ZNF638: variants seen among roughly 807,000 people sequenced by gnomAD.
ZNF638 encodes the protein CTCL tumor antigen se33-1.
A neutral mutation model predicts 195.6 loss-of-function variants in ZNF638; 46 were observed. The observed-to-expected ratio is 0.24, with a 90% CI of 0.19 to 0.30. The LOEUF (loss-of-function observed/expected upper bound fraction) is 0.30. Ranked by LOEUF, ZNF638 falls within the 10% of genes least tolerant of loss-of-function variation. The probability of loss-of-function intolerance (pLI) is 1.00; values close to 1 mark genes in which losing one functional copy is unlikely to be tolerated. For missense variants in ZNF638, 2,440 were observed against 2,325.3 expected (o/e 1.05, Z -1.01); for synonymous variants, 845 against 772.0 (o/e 1.09, Z -1.57).
At chr2:71,424,153 C>T (rs1395208345) in intron 22 of ZNF638, 115 bp downstream of exon 22, 1 of 1,352,884 alleles carries the variant, frequency 7.4e-7, no homozygotes, top group Non-Finnish European at 9.8e-7. Flanking sequence ...TCACTCTACC[C>T]CGGAAGCTCC....
intron 3 of ZNF638, among the ~76,000 whole-genome samples, chr2:71,359,753 T>G (rs570312484): frequency 1.3e-5 from 2 of 152,212 alleles, no homozygotes; most frequent in African/African-American, 4.8e-5. Context: ...TTTATTCTTT[T>G]AAGCTGTGTT....
chr2:71,383,408 A>C (rs1017934775), intron 10 of ZNF638, among the ~76,000 whole-genome samples: 5 of 152,182 alleles, frequency 3.3e-5, no homozygotes, highest in African/African-American at 1.2e-4. Context: ...TTTGAACGCA[A>C]AACTTTATGA....
chr2:71,422,749 T>C, intron 21 of ZNF638, 65 bp from the exon 22 acceptor site: 1 of 1,501,714 alleles, frequency 6.7e-7, no homozygotes, highest in Non-Finnish European at 8.9e-7. Flanking sequence ...TGAATTCTCA[T>C]CATAGTTTGA....
intron 2 of ZNF638, among the ~76,000 whole-genome samples, chr2:71,355,103 G>A (rs1369450801): frequency 1.3e-5 from 2 of 152,050 alleles, no homozygotes; most frequent in Non-Finnish European, 2.9e-5. Context: ...TGAGTCGCTG[G>A]GGCTACAGGT....
intron 10 of ZNF638, among the ~76,000 whole-genome samples, chr2:71,390,895 T>C (rs551050620): frequency 2.6e-5 from 4 of 152,294 alleles, no homozygotes; most frequent in African/African-American, 9.6e-5. Flanking sequence ...TAAACATGAC[T>C]GTCCCTGTTA....
At chr2:71,347,765 A>G (rs1347429722) in intron 1 of ZNF638, among the ~76,000 whole-genome samples, 4 of 152,238 alleles carry the variant, frequency 2.6e-5, no homozygotes, top group East Asian at 1.9e-4. Context: ...CTGGTCAGCA[A>G]CCAGTTTTAA....
rs1286835345 is a variant in ZNF638, at chr2:71,405,607, A to G, written c.2965A>G (p.Ile989Val). Residue 989 changes from isoleucine (I) to valine (V), a missense_variant, in exon 18 of 28, where the codon ATA (isoleucine) becomes GTA (valine). Around this residue, in one of 5 missense-constraint regions of ZNF638, gnomAD observed 1,883 missense variants for 1,739.1 expected, o/e 1.08. Coordinates refer to ENST00000264447, the MANE Select transcript of ZNF638 (RefSeq NM_014497.5). ...ENMNIKDEEA[I>V]FITLVKENDP... The stretch of plus-strand genomic sequence containing the variant: ...ATCTATTTTTGCTTTTTAGGAAGCT[A>G]TATTTATAACCTTGGTAAAAGAAAA... The G allele has an allele frequency of 1.9e-6, 3 of 1,569,384 alleles. No individual in the cohort carries two copies. The highest frequency in any genetic ancestry group is 1.2e-5 in the South Asian group (1 of 85,610).
intron 10 of ZNF638, among the ~76,000 whole-genome samples, chr2:71,387,873 A>G (rs1008417660): frequency 1.3e-5 from 2 of 152,202 alleles, no homozygotes; most frequent in East Asian, 1.9e-4. Flanking sequence ...TTGTTAACCT[A>G]TGTGTTAATT....
intron 1 of ZNF638, among the ~76,000 whole-genome samples, chr2:71,339,932 G>T (rs931483908): frequency 2.6e-5 from 4 of 152,188 alleles, no homozygotes; most frequent in African/African-American, 9.7e-5. Context: ...CTAGAGGCCT[G>T]TTTACGTATG....
intron 3 of ZNF638, among the ~76,000 whole-genome samples, chr2:71,360,309 AT>A (rs1468120370): frequency 6.6e-6 from 1 of 152,220 alleles, no homozygotes; most frequent in Admixed American, 6.5e-5. Context: ...ATGGGACATC[AT>A]TTCTAAATTC....
At chr2:71,418,851 T>C (rs1289445702) in intron 21 of ZNF638, among the ~76,000 whole-genome samples, 1 of 152,238 alleles carries the variant, frequency 6.6e-6, no homozygotes, top group African/African-American at 2.4e-5. Context: ...TTTAAGTATT[T>C]ACTGAATATT....
At chr2:71,334,425 T>A (rs1161668537) in intron 1 of ZNF638, 3 of 152,200 alleles carry the variant, frequency 2.0e-5, no homozygotes, top group African/African-American at 7.2e-5. Context: ...TGAAAGTAAT[T>A]ATGTTTGTGG....
At chr2:71,395,952 G>C in intron 10 of ZNF638, 189 bp from the exon 11 acceptor site, 1 of 618,430 alleles carries the variant, frequency 1.6e-6, no homozygotes, top group South Asian at 1.9e-5. Flanking sequence ...ATTTAAATCT[G>C]TATGCCTTTT....
At chr2:71,365,787 A>G (rs2079186464) in intron 6 of ZNF638, 81 bp downstream of exon 6, 4 of 1,324,796 alleles carry the variant, frequency 3.0e-6, no homozygotes, top group Non-Finnish European at 4.1e-6. Context: ...TGCAACAAGC[A>G]TGGCTCACTG....
Position 71,331,879 on chromosome 2 carries a change from G to A in ZNF638, c.-203+4G>A. On this transcript the variant is annotated splice_donor_region_variant and intron_variant, in intron 1 of 27. Transcript: ENST00000264447. ...GCTGTTAGTCGGGTAGGCATAGGTA[G>A]GACCGCTGCCCTGTGGGGAGTAGGG... The A allele has an allele frequency of 1.0e-6, 1 of 986,460 alleles. No homozygotes were observed. The highest frequency in any genetic ancestry group is 1.2e-6 in the Non-Finnish European group (1 of 830,402). The allele number at this position is 986,460 out of a possible 1,614,324, so 61.1% of individuals were successfully genotyped here.
At chr2:71,419,830 G>GTAAC (rs1558881250) in intron 21 of ZNF638, among the ~76,000 whole-genome samples, 1 of 151,976 alleles carries the variant, frequency 6.6e-6, no homozygotes, top group East Asian at 1.9e-4. Flanking sequence ...AGCAATAGCA[G>GTAAC]TTGGTCATTG....
chr2:71,395,265 G>A (rs1181650312), intron 10 of ZNF638: 3 of 717,258 alleles, frequency 4.2e-6, no homozygotes, highest in African/African-American at 1.7e-5. Context: ...GCCGGAATAC[G>A]AGCAGTAATC....
At chr2:71,352,073 A>G (rs2078949446) in intron 2 of ZNF638, among the ~76,000 whole-genome samples, 1 of 152,208 alleles carries the variant, frequency 6.6e-6, no homozygotes, top group African/African-American at 2.4e-5. Context: ...ATGGAATGTC[A>G]GTTACTAAAT....
At chr2:71,392,522 G>T (rs1053188420) in intron 10 of ZNF638, among the ~76,000 whole-genome samples, 1 of 152,158 alleles carries the variant, frequency 6.6e-6, no homozygotes, top group Non-Finnish European at 1.5e-5. Context: ...AGCCTACCCT[G>T]TGTACACCTT....
Sources: allele counts gnomAD v4.1 joint callset (sites outside exome capture counted in the v4.1 genomes callset), GRCh38; gene constraint gnomAD v4.1.1; regional missense constraint gnomAD v4.1.1; transcripts MANE v1.5; gene names NCBI Gene and HGNC (gene_info 2026-07-23, HGNC 2026-07-21).